The following ACBD7 variants were observed in gnomAD, a reference collection of about 807,000 sequenced individuals.
ACBD7 encodes the protein acyl-CoA binding domain containing 7.
ACBD7 carries 11 observed loss-of-function variants against 13.7 expected under a neutral mutation model. The ratio of observed to expected loss-of-function variants is 0.80; its 90% CI spans 0.50 to 1.33. The LOEUF (loss-of-function observed/expected upper bound fraction) is 1.33, where lower values mean the gene tolerates loss of function less well. Among genes scored for constraint, ACBD7 ranks in the 40% most tolerant of loss-of-function variants. The pLI is 0.00. For synonymous variants in ACBD7, 43 were observed against 37.7 expected, an observed-to-expected ratio of 1.14 and a Z score of -0.51; for missense variants, 111 against 103.0, an observed-to-expected ratio of 1.08 and a Z score of -0.33.
At chr10:15,079,808 A>C (rs2131393566) in intron 1 of ACBD7, among the ~76,000 whole-genome samples, 1 of 148,834 alleles carries the variant, frequency 6.7e-6, no homozygotes, top group African/African-American at 2.5e-5. Flanking sequence ...TGAACTCCTG[A>C]CCCTGTGATC....
rs1471902738 is a variant in ACBD7 at position 15,078,556 on chromosome 10, C to T, written c.241G>A (p.Glu81Lys). The change falls in exon 4 of 4, where the codon GAG (glutamate) becomes AAG (lysine). Residue 81 changes from glutamate (E) to lysine (K), a missense_variant. Coordinates refer to ENST00000356189, the MANE Select transcript of ACBD7 (RefSeq NM_001039844.3). ...TAAATTCCGTATTTTTCTATCAGCT[C>T]CTTTGCTTTAGAAATATAGGCACTC... ...ATSAYISKAK[E>K]LIEKYGI The T allele has an allele frequency of 2.5e-6, 4 of 1,614,082 alleles. No homozygotes were observed. The highest frequency in any genetic ancestry group is 3.4e-6 in the Non-Finnish European group (4 of 1,180,014).
Position 15,078,364 on chromosome 10 carries a change from A to G in ACBD7, c.*166T>C, listed in dbSNP as rs1844708044. 1.4e-6 allele frequency: 2 copies of G among 1,481,326 alleles called. No homozygotes were observed. Among genetic ancestry groups the G allele is most frequent in the East Asian group, 2.3e-5 (1 of 43,536 alleles). 91.8% of individuals were successfully genotyped at this position (1,481,326 alleles called of 1,614,324 possible). On this transcript the variant is annotated 3_prime_UTR_variant, in exon 4 of 4. Transcript: ENST00000356189. ...AAGACACCTGGTTTAAGCAAGTACA[A>G]TTGAGTTAACTATGTAGTTTCAGTA...
At position 15,076,779 on chromosome 10, in the gene ACBD7, A is replaced by G; in HGVS notation, c.*1751T>C. ...CGGCCTCCCAAAGTGCTGAGATTAGAGGCGTGAGCCACCACGCTCAGCCTT... is the reference window on the plus strand; with the variant it reads ...CGGCCTCCCAAAGTGCTGAGATTAGGGGCGTGAGCCACCACGCTCAGCCTT... On this transcript the variant is annotated 3_prime_UTR_variant, in exon 4 of 4. Transcript: ENST00000356189. The G allele has an allele frequency of 1.0e-6, 1 of 984,976 alleles. No homozygotes were observed. Among genetic ancestry groups the G allele is most frequent in the Non-Finnish European group, 1.2e-6 (1 of 829,528 alleles). The allele number at this position is 984,976 out of a possible 1,614,324, so 61.0% of individuals were successfully genotyped here. A position where few individuals can be genotyped will look rare whatever the true frequency, so the allele number is the denominator to read the frequency against.
chr10:15,086,416 A>G (rs1156260559), intron 1 of ACBD7, among the ~76,000 whole-genome samples: 2 of 152,200 alleles, frequency 1.3e-5, no homozygotes, highest in Non-Finnish European at 2.9e-5. Context: ...CTTTTCTGTG[A>G]TGTTCCTCAA....
chr10:15,079,696 A>C (rs987086868), intron 1 of ACBD7, among the ~76,000 whole-genome samples: 1 of 151,292 alleles, frequency 6.6e-6, no homozygotes, highest in Non-Finnish European at 1.5e-5. Context: ...CTCCTGCCTC[A>C]GCCTCCCGAG....
chr10:15,086,699 A>G (rs1844812982), intron 1 of ACBD7, among the ~76,000 whole-genome samples: 1 of 152,028 alleles, frequency 6.6e-6, no homozygotes, highest in Non-Finnish European at 1.5e-5. Context: ...AACACAGCAA[A>G]ACCAAATGTC....
At chr10:15,082,681 T>C (rs1002769058) in intron 1 of ACBD7, among the ~76,000 whole-genome samples, 1 of 152,122 alleles carries the variant, frequency 6.6e-6, no homozygotes, top group Non-Finnish European at 1.5e-5. Flanking sequence ...TATTTTCCAG[T>C]GACAGCAACT....
intron 1 of ACBD7, among the ~76,000 whole-genome samples, chr10:15,087,564 G>A (rs1011813092): frequency 2.0e-5 from 3 of 151,294 alleles, no homozygotes. Context: ...ATCACTTGAG[G>A]TCAGGAGTTG....
rs373125460 is a variant in ACBD7, at chr10:15,079,878, C to A, written c.13-838G>T. On this transcript the variant is annotated intron_variant, in intron 1 of 3. Coordinates refer to ENST00000356189, the MANE Select transcript of ACBD7 (RefSeq NM_001039844.3). ...AGGTGTGAGCCACCGTGCCCAGCTGCTTTTCTTTTTTTTTTTTTTTGGCAT... is the reference window on the plus strand; with the variant it reads ...AGGTGTGAGCCACCGTGCCCAGCTGATTTTCTTTTTTTTTTTTTTTGGCAT... 6.3e-4 allele frequency among the ~76,000 whole-genome samples: 78 copies of A among 123,900 alleles called. 1 individual carries two copies. In the East Asian group the frequency reaches 0.014, roughly 23 times the overall value. 81.3% of individuals were successfully genotyped at this position (123,900 alleles called of 152,430 possible).
At chr10:15,085,938 TCC>T (rs1473096360) in intron 1 of ACBD7, among the ~76,000 whole-genome samples, 10 of 152,280 alleles carry the variant, frequency 6.6e-5, no homozygotes, top group Middle Eastern at 3.4e-3. Flanking sequence ...ACCAATATGA[TCC>T]CCGCACATGC....
intron 1 of ACBD7, among the ~76,000 whole-genome samples, chr10:15,084,208 T>A (rs1220544048): frequency 6.6e-6 from 1 of 150,922 alleles, no homozygotes; most frequent in African/African-American, 2.5e-5. Context: ...CACAAATCAA[T>A]AAATAAACAA....
rs987372759 is a variant in ACBD7 at position 15,076,455 on chromosome 10, C to T, written c.*2075G>A. ...AAAATTTAAAGAAAAATAGATATTC[C>T]TATGGGGGCTTTTTAAATTTCTTTA... On this transcript the variant is annotated 3_prime_UTR_variant, in exon 4 of 4. Coordinates refer to ENST00000356189, the MANE Select transcript of ACBD7 (RefSeq NM_001039844.3). 7.2e-6 allele frequency: 7 copies of T among 967,592 alleles called. No individual in the cohort carries two copies. In the Admixed American group the frequency reaches 3.7e-4, roughly 51 times the overall value. 59.9% of individuals were successfully genotyped at this position (967,592 alleles called of 1,614,324 possible). A position where few individuals can be genotyped will look rare whatever the true frequency, so the allele number is the denominator to read the frequency against.
At chr10:15,086,732 A>G (rs7089706) in intron 1 of ACBD7, among the ~76,000 whole-genome samples, 80,627 of 151,876 alleles carry the variant, frequency 0.53, 23,739 homozygotes, top group African/African-American at 0.8. Context: ...AAAAAAGGAA[A>G]GCCTGGCATG....
intron 1 of ACBD7, among the ~76,000 whole-genome samples, chr10:15,085,108 C>T (rs1223423595): frequency 6.6e-6 from 1 of 152,202 alleles, no homozygotes; most frequent in Non-Finnish European, 1.5e-5. Context: ...CTGATTTCTC[C>T]TGAGCGAGGG....
intron 1 of ACBD7, chr10:15,088,364 TAA>T: frequency 4.7e-6 from 2 of 427,764 alleles, no homozygotes; most frequent in African/African-American, 2.1e-5. Flanking sequence ...AGTATGACAC[TAA>T]GAGAGGTCCT....
rs1316695692 is a variant in ACBD7 at position 15,083,809 on chromosome 10, T to A, written c.13-4769A>T. ...AGAATGTAAAATATTCTTGATTTGA[T>A]CCTATGGAGTCTGCCCTCCCAGAGT... On this transcript the variant is annotated intron_variant, in intron 1 of 3. Transcript: ENST00000356189. Among the ~76,000 whole-genome samples, 4 of 152,188 alleles carry A rather than the reference T, an allele frequency of 2.6e-5. No homozygotes were observed. In the East Asian group the frequency reaches 7.7e-4, roughly 29 times the overall value.
rs545112260 is a variant in ACBD7 at position 15,075,916 on chromosome 10, G to A, written c.*2614C>T. Among the ~76,000 whole-genome samples the A allele has an allele frequency of 6.2e-4, 93 of 149,218 alleles. 1 individual carries two copies. The highest frequency in any genetic ancestry group is 1.6e-3 in the African/African-American group (64 of 40,548). On this transcript the variant is annotated 3_prime_UTR_variant, in exon 4 of 4. Transcript: ENST00000356189. ...TTGACCCTGGGAGGCAGAGGTTGCA[G>A]TGAGCCGAGAGCGTGCCACTGCGCT...
In ACBD7 at chr10:15,078,193, GGTTTT is replaced by G; in HGVS notation, c.*332_*336del. The G allele has an allele frequency of 6.1e-6, 2 of 329,794 alleles. No individual in the cohort carries two copies. The highest frequency in any genetic ancestry group is 2.0e-4 in the East Asian group (2 of 10,048). The allele number at this position is 329,794 out of a possible 1,614,324, so 20.4% of individuals were successfully genotyped here. A position where few individuals can be genotyped will look rare whatever the true frequency, so the allele number is the denominator to read the frequency against. ...CCCACTTATGAGTGAGAACATGCTT[GGTTTT>G]CTGATCTTGTGATAGTTTGCTGAGA... On this transcript the variant is annotated 3_prime_UTR_variant, in exon 4 of 4. Transcript: ENST00000356189.
In ACBD7 at chr10:15,079,268, C is replaced by CTTT. The variant is rs36008210; in HGVS notation, c.13-231_13-229dup. 1.2e-3 allele frequency among the ~76,000 whole-genome samples: 154 copies of CTTT among 126,412 alleles called. 3 individuals carry two copies. Among genetic ancestry groups the CTTT allele is most frequent in the African/African-American group, 2.4e-3 (78 of 33,132 alleles). 82.9% of individuals were successfully genotyped at this position (126,412 alleles called of 152,430 possible). On this transcript the variant is annotated intron_variant, in intron 1 of 3. Transcript: ENST00000356189. ...ATACAGAAAATGTTCGGTTTAACTT[C>CTTT]TTTTTTTTTTTTTTTTTTTGAGCCA...
Sources: gnomAD v4.1 joint callset for allele counts (sites outside exome capture counted in the v4.1 genomes callset) on GRCh38, gnomAD v4.1.1 for gene constraint, MANE v1.5 for transcripts, NCBI Gene and HGNC (gene_info 2026-07-23, HGNC 2026-07-21) for gene names.